CNTN3: variants seen among roughly 807,000 people sequenced by gnomAD.
CNTN3 encodes the protein contactin 3.
Under a neutral mutation model 119.1 loss-of-function variants are expected in CNTN3, and 60 were observed. The ratio of observed to expected loss-of-function variants is 0.50; its 90% CI spans 0.41 to 0.62. The LOEUF is 0.62. CNTN3 is among the 20% of genes least tolerant of loss of function. CNTN3 has a pLI of 0.00. For synonymous variants in CNTN3, 450 were observed against 438.7 expected, an observed-to-expected ratio of 1.03 and a Z score of -0.32; for missense variants, 1,101 against 1,242.4, an observed-to-expected ratio of 0.89 and a Z score of 1.71.
intron 2 of CNTN3, 86 bp from the exon 3 acceptor site, chr3:74,499,871 AC>A: frequency 2.9e-6 from 4 of 1,369,982 alleles, no homozygotes; most frequent in Non-Finnish European, 2.9e-6. Context: ...AAAACAAGGA[AC>A]TAAAAATTCT....
At chr3:74,461,930 C>G (rs1244538845) in intron 4 of CNTN3, among the ~76,000 whole-genome samples, 1 of 152,076 alleles carries the variant, frequency 6.6e-6, no homozygotes, top group South Asian at 2.1e-4. Flanking sequence ...TGGTTTGGAT[C>G]TGTGTCCCCA....
At chr3:74,446,683 G>GTTTTTTTTTTTT (rs10669743) in intron 4 of CNTN3, among the ~76,000 whole-genome samples, 1 of 136,968 alleles carries the variant, frequency 7.3e-6, no homozygotes, top group African/African-American at 2.7e-5. Context: ...AATTTTACTT[G>GTTTTTTTTTTTT]TTTTTTTTTT....
chr3:74,264,496 C>T lies in CNTN3; in HGVS notation c.2992G>A (p.Asp998Asn), dbSNP rs1172999917. 35 of 1,605,416 alleles carry T rather than the reference C, an allele frequency of 2.2e-5. No homozygotes were observed. The highest frequency in any genetic ancestry group is 2.9e-5 in the Non-Finnish European group (34 of 1,173,470). Residue 998 changes from aspartate to asparagine, a missense_variant, in exon 23 of 23, where the codon GAT becomes AAT. Coordinates refer to ENST00000263665, the MANE Select transcript of CNTN3 (RefSeq NM_020872.3). ...ATGGCTGAAGTGGATCCTCTTGCATCCATACCTGTCAAAGTTGATGAAGAG... is the reference window on the plus strand; with the variant it reads ...ATGGCTGAAGTGGATCCTCTTGCATTCATACCTGTCAAAGTTGATGAAGAG... ...QIRIPRITSM[D>N]ARGSTSAISN... is the part of the protein sequence containing the mutation.
intron 1 of CNTN3, among the ~76,000 whole-genome samples, chr3:74,603,368 G>A (rs1304901862): frequency 1.3e-5 from 2 of 152,034 alleles, no homozygotes; most frequent in Non-Finnish European, 2.9e-5. Context: ...CCTGGATTGG[G>A]CACCACAGTA....
At chr3:74,470,317 C>G (rs1292867688) in intron 4 of CNTN3, among the ~76,000 whole-genome samples, 1 of 152,116 alleles carries the variant, frequency 6.6e-6, no homozygotes, top group East Asian at 1.9e-4. Context: ...ATACTCTAAA[C>G]AGGGAATTAC....
intron 1 of CNTN3, among the ~76,000 whole-genome samples, chr3:74,611,412 G>C (rs991399501): frequency 2.0e-5 from 3 of 152,158 alleles, no homozygotes; most frequent in Non-Finnish European, 2.9e-5. Context: ...GGCATACAAA[G>C]TTTCAACCAG....
chr3:74,591,766 C>T (rs1704706337), intron 1 of CNTN3, among the ~76,000 whole-genome samples: 1 of 151,802 alleles, frequency 6.6e-6, no homozygotes, highest in Non-Finnish European at 1.5e-5. Flanking sequence ...GAAGCTATGT[C>T]TGGGAAAAAG....
At chr3:74,407,335 C>G (rs1701346669) in intron 5 of CNTN3, among the ~76,000 whole-genome samples, 1 of 139,278 alleles carries the variant, frequency 7.2e-6, no homozygotes, top group Non-Finnish European at 1.5e-5. Flanking sequence ...ATGGCGCAAT[C>G]TCAGCTCACC....
At chr3:74,336,029 G>A (rs1452089726) in intron 12 of CNTN3, among the ~76,000 whole-genome samples, 3 of 151,880 alleles carry the variant, frequency 2.0e-5, no homozygotes, top group Non-Finnish European at 4.4e-5. Context: ...AGATTCATGA[G>A]GACAGTATTA....
intron 5 of CNTN3, among the ~76,000 whole-genome samples, chr3:74,392,449 A>G (rs1704936980): frequency 6.6e-6 from 1 of 152,070 alleles, no homozygotes; most frequent in Admixed American, 6.6e-5. Flanking sequence ...CAACAAATAA[A>G]CATCTATTCA....
At chr3:74,563,544 C>G (rs1704184914) in intron 1 of CNTN3, among the ~76,000 whole-genome samples, 1 of 152,098 alleles carries the variant, frequency 6.6e-6, no homozygotes, top group African/African-American at 2.4e-5. Context: ...CAAATAAGAA[C>G]TGTCCCCAAG....
chr3:74,312,192 G>A (rs1418068789), intron 13 of CNTN3, among the ~76,000 whole-genome samples: 1 of 152,048 alleles, frequency 6.6e-6, no homozygotes, highest in African/African-American at 2.4e-5. Context: ...GGTGGCTCAC[G>A]CCTGTAATCC....
chr3:74,440,580 A>G (rs910456047), intron 4 of CNTN3, among the ~76,000 whole-genome samples: 1 of 152,094 alleles, frequency 6.6e-6, no homozygotes, highest in African/African-American at 2.4e-5. Context: ...CCATTGGTGG[A>G]TTGAACCAAT....
intron 5 of CNTN3, among the ~76,000 whole-genome samples, chr3:74,385,431 TA>T (rs1357190444): frequency 2.9e-5 from 1 of 34,260 alleles, no homozygotes; most frequent in East Asian, 8.9e-4. Flanking sequence ...AAATACTGTT[TA>T]AGGACACAAA....
intron 1 of CNTN3, among the ~76,000 whole-genome samples, chr3:74,562,135 A>T (rs1193994390): frequency 6.6e-6 from 1 of 152,054 alleles, no homozygotes; most frequent in Non-Finnish European, 1.5e-5. Flanking sequence ...CACCAGCCAC[A>T]TCATTCTCTA....
Position 74,486,587 on chromosome 3 carries a change from C to T in CNTN3, c.227G>A (p.Arg76His), listed in dbSNP as rs374611056. ...AAGATTTCCTCCATTCAACTTATAACGATGTTCCATACTCATATCAATATC... is the reference window on the plus strand; with the variant it reads ...AAGATTTCCTCCATTCAACTTATAATGATGTTCCATACTCATATCAATATC... ...GSDIDMSMEH[R>H]YKLNGGNLVV... is the part of the protein sequence containing the mutation. Residue 76 changes from arginine to histidine, a missense_variant, in exon 4 of 23, where the codon CGT becomes CAT. Arg to His is a conservative substitution (Grantham distance 29, BLOSUM62 0). Transcript: ENST00000263665. The T allele has an allele frequency of 5.7e-5, 92 of 1,608,106 alleles. No homozygotes were observed. The highest frequency in any genetic ancestry group is 6.4e-5 in the Non-Finnish European group (76 of 1,178,618).
At position 74,269,238 on chromosome 3, in the gene CNTN3, C is replaced by A. The variant is rs879521999; in HGVS notation, c.2705-1860G>T. 6.3e-4 allele frequency among the ~76,000 whole-genome samples: 96 copies of A among 151,956 alleles called. 1 individual carries two copies. The highest frequency in any genetic ancestry group is 3.2e-3 in the Middle Eastern group (1 of 316). ...TTTACCTTCATCTCAATAATATTCACACAATAATTAGCTTGATGTGCTAGT... is the reference window on the plus strand; with the variant it reads ...TTTACCTTCATCTCAATAATATTCAAACAATAATTAGCTTGATGTGCTAGT... On this transcript the variant is annotated intron_variant, in intron 20 of 22. Transcript: ENST00000263665.
chr3:74,265,054 A>G (rs1701640547), intron 22 of CNTN3, among the ~76,000 whole-genome samples: 1 of 152,180 alleles, frequency 6.6e-6, no homozygotes, highest in South Asian at 2.1e-4. Context: ...AACAACTTTG[A>G]GATAATTCAA....
chr3:74,352,945 TAGA>T (rs146222771), intron 11 of CNTN3, among the ~76,000 whole-genome samples: 2,819 of 152,142 alleles, frequency 0.019, 86 homozygotes, highest in African/African-American at 0.065. Flanking sequence ...ACCACGGATG[TAGA>T]AGAAGATTAA....
Sources: gnomAD v4.1 joint callset for allele counts (sites outside exome capture counted in the v4.1 genomes callset) on GRCh38, gnomAD v4.1.1 for gene constraint, MANE v1.5 for transcripts, NCBI Gene and HGNC (gene_info 2026-07-23, HGNC 2026-07-21) for gene names.